BLTP2: variants seen among roughly 807,000 people sequenced by gnomAD.
The protein encoded by BLTP2 is U937-associated antigen.
At chr17:28,642,277 G>A in the BLTP2 span, 16 of 1,613,976 alleles carry the variant, frequency 9.9e-6, no homozygotes, top group African/African-American at 4.0e-5. Context: ...ATACTTACCA[G>A]CTGACCACTC....
At chr17:28,622,718 C>T in the BLTP2 span, among the ~76,000 whole-genome samples, 10 of 152,222 alleles carry the variant, frequency 6.6e-5, no homozygotes, top group South Asian at 2.1e-4. Context: ...TTAACAACCA[C>T]GCAATGCAAA....
the BLTP2 span, chr17:28,638,730 G>T: frequency 1.3e-6 from 1 of 786,784 alleles, no homozygotes; most frequent in Non-Finnish European, 2.1e-6. Context: ...CACAATCAGA[G>T]TGAGAATTCA....
the BLTP2 span, chr17:28,639,591 AG>A: frequency 6.2e-7 from 1 of 1,614,224 alleles, no homozygotes; most frequent in Non-Finnish European, 8.5e-7. Flanking sequence ...ACTAGCCTTG[AG>A]GGAGTTGAGG....
At chr17:28,620,628 C>T in the BLTP2 span, 1 of 1,613,118 alleles carries the variant, frequency 6.2e-7, no homozygotes, top group South Asian at 1.1e-5. Flanking sequence ...GTATCCACAG[C>T]CCCTAGATAA....
the BLTP2 span, chr17:28,631,847 G>T: frequency 6.2e-7 from 1 of 1,613,974 alleles, no homozygotes; most frequent in African/African-American, 1.3e-5. Context: ...TGAGTCCCCC[G>T]AGTGAAGACA....
chr17:28,633,828 A>G, the BLTP2 span: 6 of 1,600,746 alleles, frequency 3.7e-6, no homozygotes, highest in African/African-American at 2.7e-5. Flanking sequence ...GAAGGGTCTC[A>G]GCTCACCTCC....
chr17:28,614,975 G>A, the BLTP2 span: 37 of 1,269,200 alleles, frequency 2.9e-5, no homozygotes, highest in Middle Eastern at 5.6e-4. Flanking sequence ...ACAAATCCTC[G>A]TGGATAACGG....
At chr17:28,640,735 T>C in the BLTP2 span, 2 of 1,590,170 alleles carry the variant, frequency 1.3e-6, no homozygotes, top group Non-Finnish European at 1.7e-6. Flanking sequence ...ACACTCCCAG[T>C]TCTCCCGAAA....
chr17:28,633,691 A>G, the BLTP2 span: 2 of 1,614,082 alleles, frequency 1.2e-6, no homozygotes, highest in South Asian at 2.2e-5. Flanking sequence ...ACACTGGCCA[A>G]TTAGTGTCCA....
chr17:28,617,152 G>T, the BLTP2 span: 1 of 1,317,976 alleles, frequency 7.6e-7, no homozygotes, highest in Non-Finnish European at 1.1e-6. Flanking sequence ...TTTCCATAGT[G>T]GATTTATACT....
chr17:28,616,996 C>T, the BLTP2 span: 1 of 1,609,800 alleles, frequency 6.2e-7, no homozygotes, highest in Non-Finnish European at 8.5e-7. The surrounding 1 kb of genome is among the most constrained non-coding windows in gnomAD (Gnocchi z 4.8). Context: ...GGCCGCAGTA[C>T]TACCTGTAGG....
chr17:28,620,728 C>T, the BLTP2 span: 1 of 1,379,014 alleles, frequency 7.3e-7, no homozygotes, highest in Non-Finnish European at 1.0e-6. Flanking sequence ...ACTAGTCAAC[C>T]CCACAGAAAG....
chr17:28,643,298 A>G, the BLTP2 span: 1 of 1,614,168 alleles, frequency 6.2e-7, no homozygotes, highest in Non-Finnish European at 8.5e-7. Flanking sequence ...CCAAAGCACA[A>G]TGCCACATAG....
chr17:28,620,947 T>C, the BLTP2 span: 112 of 1,557,672 alleles, frequency 7.2e-5, no homozygotes, highest in Non-Finnish European at 9.8e-5. Context: ...CTTTCACAAT[T>C]TCTCTAGTCC....
chr17:28,639,294 G>T, the BLTP2 span: 1 of 1,613,400 alleles, frequency 6.2e-7, no homozygotes, highest in Non-Finnish European at 8.5e-7. Context: ...CAAGAAGGTG[G>T]CTGAAAAAGA....
At chr17:28,626,776 C>T in the BLTP2 span, among the ~76,000 whole-genome samples, 1 of 152,254 alleles carries the variant, frequency 6.6e-6, no homozygotes, top group African/African-American at 2.4e-5. Flanking sequence ...CGCCACTTCC[C>T]ATACCTCGCA....
At chr17:28,620,418 A>G in the BLTP2 span, 1 of 1,461,756 alleles carries the variant, frequency 6.8e-7, no homozygotes, top group East Asian at 2.3e-5. Flanking sequence ...TTCAGTGTGA[A>G]GCATGGCTTT....
the BLTP2 span, chr17:28,632,790 C>T: frequency 3.3e-5 from 17 of 513,606 alleles, no homozygotes; most frequent in East Asian, 5.2e-4. Flanking sequence ...ACCCTTTCCC[C>T]TGCCAAAAAA....
chr17:28,614,776 C>T, the BLTP2 span: 2 of 222,782 alleles, frequency 9.0e-6, no homozygotes, highest in Non-Finnish European at 1.7e-5. Flanking sequence ...AGGACTATCC[C>T]CCTACCCTTT....
Sources: allele counts gnomAD v4.1 joint callset (sites outside exome capture counted in the v4.1 genomes callset), GRCh38; gene constraint gnomAD v4.1.1; non-coding constraint Gnocchi (gnomAD v3.1); transcripts MANE v1.5; gene names NCBI Gene and HGNC (gene_info 2026-07-23, HGNC 2026-07-21).